The following MAPK10 variants were observed in gnomAD, a reference collection of about 807,000 sequenced individuals.
MAPK10 encodes the protein mitogen-activated protein kinase 10, also known as JNK3 alpha protein kinase.
Under a neutral mutation model 59.3 loss-of-function variants are expected in MAPK10, and 25 were observed. That is an observed-to-expected ratio of 0.42 (90% CI 0.31 to 0.59). The LOEUF is 0.59. MAPK10 is among the 20% of genes least tolerant of loss of function. The pLI, the probability that MAPK10 is intolerant of heterozygous loss-of-function variation, is 0.15. For synonymous variants in MAPK10, 190 were observed against 200.5 expected (o/e 0.95, Z 0.44); for missense variants, 351 against 568.9 (o/e 0.62, Z 3.90).
intron 3 of MAPK10, chr4:86,193,242 TGAG>T (rs1233859130): frequency 6.6e-6 from 1 of 152,480 alleles, no homozygotes; most frequent in African/African-American, 2.4e-5. Context: ...GGGACCCACT[TGAG>T]GAGATAGTCT....
Position 86,013,635 on chromosome 4 carries a change from C to T in MAPK10, c.*3593G>A, listed in dbSNP as rs769569312. 4.6e-5 allele frequency: 7 copies of T among 152,054 alleles called. No homozygotes were observed. Among genetic ancestry groups the T allele is most frequent in the Non-Finnish European group, 8.8e-5 (6 of 68,006 alleles). 9.4% of individuals were successfully genotyped at this position (152,054 alleles called of 1,614,324 possible). A position where few individuals can be genotyped will look rare whatever the true frequency, so the allele number is the denominator to read the frequency against. ...CCTTGACAGGACATAAAAGGTTTTA[C>T]ATATTTTTATCTATTTTTTACTAGT... On this transcript the variant is annotated 3_prime_UTR_variant, in exon 14 of 14. Coordinates refer to ENST00000641462, the MANE Select transcript of MAPK10 (RefSeq NM_138982.4).
intron 1 of MAPK10, among the ~76,000 whole-genome samples, chr4:86,480,890 T>C (rs1753556498): frequency 6.6e-6 from 1 of 152,174 alleles, no homozygotes; most frequent in East Asian, 1.9e-4. Flanking sequence ...TTAGATTTGA[T>C]AAAGAATGGC....
At position 86,014,305 on chromosome 4, in the gene MAPK10, T is replaced by G. The variant is rs755897965; in HGVS notation, c.*2923A>C. Reference sequence around the variant, plus strand: ...GTGACTATTTAAGAAATATTTGGGGTGTGTGTGTGTGTGTGTGTGTGTGTG... The same window carrying G: ...GTGACTATTTAAGAAATATTTGGGGGGTGTGTGTGTGTGTGTGTGTGTGTG... On this transcript the variant is annotated 3_prime_UTR_variant, in exon 14 of 14. Coordinates refer to ENST00000641462, the MANE Select transcript of MAPK10 (RefSeq NM_138982.4). The G allele has an allele frequency of 6.6e-3, 405 of 61,072 alleles. 1 individual carries two copies. In the Middle Eastern group the frequency reaches 0.081, roughly 12 times the overall value. The allele number at this position is 61,072 out of a possible 1,614,324, so 3.8% of individuals were successfully genotyped here.
rs1224891229 is a variant in MAPK10, at chr4:86,171,870, C to T, written c.67-12403G>A. Among the ~76,000 whole-genome samples, 3 of 151,068 alleles carry T rather than the reference C, an allele frequency of 2.0e-5. No individual in the cohort carries two copies. The South Asian group carries it at 6.3e-4, about 32-fold the overall frequency. ...ATCCAGAATCTACAATGAACTCAAA[C>T]AAATTTACAAGAAAAAAACAACCCC... is the stretch of plus-strand genomic sequence containing the variant. On this transcript the variant is annotated intron_variant, in intron 3 of 13. Transcript: ENST00000641462.
At chr4:86,058,312 G>C (rs1718847368) in intron 11 of MAPK10, among the ~76,000 whole-genome samples, 1 of 149,446 alleles carries the variant, frequency 6.7e-6, no homozygotes, top group Non-Finnish European at 1.5e-5. Flanking sequence ...GTAAGTGCCA[G>C]CCCTGGACAC....
chr4:86,371,001 G>C (rs1050272522), intron 1 of MAPK10: 2 of 152,148 alleles, frequency 1.3e-5, no homozygotes, highest in African/African-American at 4.8e-5. Context: ...CACTTTCCTA[G>C]TTAAAACAAG....
intron 1 of MAPK10, among the ~76,000 whole-genome samples, chr4:86,446,902 A>G (rs533389795): frequency 2.1e-3 from 314 of 151,586 alleles, no homozygotes; most frequent in Middle Eastern, 3.4e-3. Flanking sequence ...GTCTTTTTTT[A>G]TTGATGTTTA....
At chr4:86,068,846 A>G (rs1166216442) in intron 9 of MAPK10, among the ~76,000 whole-genome samples, 1 of 152,150 alleles carries the variant, frequency 6.6e-6, no homozygotes, top group Non-Finnish European at 1.5e-5. Flanking sequence ...GAGCCTTGAT[A>G]ATGATAAACA....
chr4:86,312,214 A>C (rs1306373898), intron 2 of MAPK10, among the ~76,000 whole-genome samples: 3 of 152,116 alleles, frequency 2.0e-5, no homozygotes, highest in Non-Finnish European at 4.4e-5. Flanking sequence ...TGACCACATG[A>C]AACAATTTCT....
intron 1 of MAPK10, among the ~76,000 whole-genome samples, chr4:86,582,221 A>T (rs1762360138): frequency 6.6e-6 from 1 of 152,000 alleles, no homozygotes; most frequent in African/African-American, 2.4e-5. Flanking sequence ...ACTCTTTCAA[A>T]ATTAAAAATC....
At chr4:86,551,797 G>A (rs1759811656) in intron 1 of MAPK10, among the ~76,000 whole-genome samples, 1 of 152,080 alleles carries the variant, frequency 6.6e-6, no homozygotes, top group Non-Finnish European at 1.5e-5. Context: ...TAGAGACAAG[G>A]TTTCCCCATG....
At chr4:86,513,626 C>CACA (rs1204867325) in intron 1 of MAPK10, among the ~76,000 whole-genome samples, 1 of 152,134 alleles carries the variant, frequency 6.6e-6, no homozygotes, top group Admixed American at 6.5e-5. Context: ...TAGGATTTCC[C>CACA]ACAATCCTAC....
chr4:86,547,358 G>A (rs1759295904), intron 1 of MAPK10, among the ~76,000 whole-genome samples: 1 of 152,228 alleles, frequency 6.6e-6, no homozygotes. Flanking sequence ...CGCGAGTTCC[G>A]GGTGGGCGTG....
At chr4:86,130,021 A>T (rs1342283496) in intron 4 of MAPK10, among the ~76,000 whole-genome samples, 1 of 152,124 alleles carries the variant, frequency 6.6e-6, no homozygotes, top group Non-Finnish European at 1.5e-5. Context: ...TGACTGCTGC[A>T]TATGTGAAAC....
At chr4:86,094,569 G>A (rs988304966) in intron 9 of MAPK10, among the ~76,000 whole-genome samples, 4 of 151,856 alleles carry the variant, frequency 2.6e-5, no homozygotes, top group Non-Finnish European at 4.4e-5. Context: ...TAAGGTTGAA[G>A]AATGTATCTA....
intron 2 of MAPK10, among the ~76,000 whole-genome samples, chr4:86,309,831 T>C (rs2095635612): frequency 6.6e-6 from 1 of 152,170 alleles, no homozygotes; most frequent in Admixed American, 6.5e-5. Flanking sequence ...AACCTAAGCT[T>C]GCAACAATAT....
chr4:86,218,549 C>T (rs1370696534), intron 2 of MAPK10, among the ~76,000 whole-genome samples: 3 of 80,834 alleles, frequency 3.7e-5, no homozygotes, highest in African/African-American at 8.8e-5. Context: ...CACATATGGG[C>T]ATAATAATAA....
intron 11 of MAPK10, 38 bp from the exon 12 acceptor site, chr4:86,031,469 A>G (rs1416391948): frequency 4.2e-6 from 6 of 1,435,942 alleles, no homozygotes; most frequent in Non-Finnish European, 5.9e-6. Flanking sequence ...TTGTGTGATA[A>G]TGTAAACATA....
intron 2 of MAPK10, among the ~76,000 whole-genome samples, chr4:86,316,158 A>C (rs184562931): frequency 6.6e-6 from 1 of 152,296 alleles, no homozygotes; most frequent in East Asian, 1.9e-4. Flanking sequence ...AAATCATATC[A>C]AACACTACAC....
Sources: gnomAD v4.1 joint callset for allele counts (sites outside exome capture counted in the v4.1 genomes callset) on GRCh38, gnomAD v4.1.1 for gene constraint, MANE v1.5 for transcripts, NCBI Gene and HGNC (gene_info 2026-07-23, HGNC 2026-07-21) for gene names.